Variants in LINGO2 observed in about 807,000 individuals in gnomAD.
LINGO2 encodes leucine rich repeat and Ig domain containing 2, also known as leucine-rich repeat and immunoglobulin-like domain-containing nogo receptor-interacting protein 2.
In LINGO2, 14 loss-of-function variants were observed where a neutral mutation model predicts 30.6. That is an observed-to-expected ratio of 0.46 (90% CI 0.30 to 0.72). LINGO2 has a LOEUF of 0.72. Among genes scored for constraint, LINGO2 ranks in the 30% least tolerant of loss-of-function variants. LINGO2 has a pLI of 0.07. For missense variants in LINGO2, 729 were observed against 751.7 expected (o/e 0.97, Z 0.35); for synonymous variants, 317 against 288.5 (o/e 1.10, Z -1.00).
At chr9:27,979,182 A>T (rs1820740118) in intron 5 of LINGO2, among the ~76,000 whole-genome samples, 1 of 152,008 alleles carries the variant, frequency 6.6e-6, no homozygotes, top group African/African-American at 2.4e-5. Context: ...TTGAGATGAC[A>T]TCTAAGGCTG....
At chr9:29,069,548 T>C in the LINGO2 span, among the ~76,000 whole-genome samples, 1 of 152,050 alleles carries the variant, frequency 6.6e-6, no homozygotes, top group Non-Finnish European at 1.5e-5. Flanking sequence ...CAGAGTTCCA[T>C]ATATTATGAA....
intron 4 of LINGO2, among the ~76,000 whole-genome samples, chr9:28,217,771 A>C (rs929551090): frequency 6.6e-6 from 1 of 152,030 alleles, no homozygotes. Context: ...AGTTATTGAG[A>C]AAGTATATGA....
At chr9:28,446,885 G>C (rs1824443323) in intron 2 of LINGO2, among the ~76,000 whole-genome samples, 1 of 152,146 alleles carries the variant, frequency 6.6e-6, no homozygotes. Flanking sequence ...TAAATGACAG[G>C]AAGCCTCTAT....
At chr9:28,659,994 C>T (rs1469903208) in intron 1 of LINGO2, among the ~76,000 whole-genome samples, 1 of 151,896 alleles carries the variant, frequency 6.6e-6, no homozygotes, top group Non-Finnish European at 1.5e-5. Context: ...AGAAAAATGT[C>T]AGATAGAAAA....
At chr9:28,415,855 A>C (rs1822947939) in intron 2 of LINGO2, among the ~76,000 whole-genome samples, 1 of 152,186 alleles carries the variant, frequency 6.6e-6, no homozygotes, top group African/African-American at 2.4e-5. Context: ...AAGTTACATA[A>C]ATGCATGGAT....
chr9:27,968,385 T>C (rs566587370), intron 5 of LINGO2, among the ~76,000 whole-genome samples: 1 of 152,152 alleles, frequency 6.6e-6, no homozygotes, highest in African/African-American at 2.4e-5. Context: ...ATTAAAATGA[T>C]GGCTATAAGA....
chr9:28,902,732 T>C, the LINGO2 span, among the ~76,000 whole-genome samples: 3 of 152,074 alleles, frequency 2.0e-5, no homozygotes, highest in African/African-American at 4.8e-5. Flanking sequence ...ACAGAAAGAA[T>C]CTTGGAAAAC....
chr9:29,046,722 C>A, the LINGO2 span, among the ~76,000 whole-genome samples: 7 of 152,030 alleles, frequency 4.6e-5, no homozygotes, highest in African/African-American at 1.7e-4. Flanking sequence ...ACAATCACAA[C>A]AAAAGCAAAA....
chr9:28,156,575 G>A (rs984667865), intron 4 of LINGO2, among the ~76,000 whole-genome samples: 2 of 152,172 alleles, frequency 1.3e-5, no homozygotes, highest in African/African-American at 4.8e-5. Flanking sequence ...ATTGATGTAT[G>A]CTTTTCTGTG....
the LINGO2 span, among the ~76,000 whole-genome samples, chr9:28,974,766 T>G: frequency 1.3e-5 from 2 of 152,044 alleles, no homozygotes; most frequent in East Asian, 3.9e-4. Context: ...GGTACTGTAT[T>G]TGTATTATCT....
intron 2 of LINGO2, among the ~76,000 whole-genome samples, chr9:28,376,320 G>C (rs1433538523): frequency 1.3e-5 from 2 of 152,144 alleles, no homozygotes; most frequent in African/African-American, 2.4e-5. Context: ...TTGTGAGCTT[G>C]AATAGCAGGG....
chr9:28,178,227 A>G (rs914803420), intron 4 of LINGO2, among the ~76,000 whole-genome samples: 1 of 152,146 alleles, frequency 6.6e-6, no homozygotes, highest in Non-Finnish European at 1.5e-5. Context: ...CGCAGCTCCC[A>G]CAGTGTTGTG....
At chr9:29,081,351 T>A in the LINGO2 span, among the ~76,000 whole-genome samples, 1 of 152,120 alleles carries the variant, frequency 6.6e-6, no homozygotes, top group Admixed American at 6.6e-5. Context: ...TCTCCATAGA[T>A]GCAGAAAAGG....
the LINGO2 span, among the ~76,000 whole-genome samples, chr9:28,981,000 C>T: frequency 2.6e-5 from 4 of 151,942 alleles, no homozygotes; most frequent in Admixed American, 2.6e-4. Flanking sequence ...GGGGTGAAAC[C>T]GTACCTTACT....
chr9:28,707,905 C>A, the LINGO2 span, among the ~76,000 whole-genome samples: 1 of 152,154 alleles, frequency 6.6e-6, no homozygotes, highest in East Asian at 1.9e-4. Flanking sequence ...AAAACAGGAT[C>A]CTGTCAGAAT....
chr9:28,602,202 A>C (rs1825514315), intron 1 of LINGO2, among the ~76,000 whole-genome samples: 1 of 152,122 alleles, frequency 6.6e-6, no homozygotes, highest in East Asian at 1.9e-4. Context: ...AAGGCAAGGA[A>C]TATGGGCTGT....
At chr9:28,863,972 T>C in the LINGO2 span, among the ~76,000 whole-genome samples, 6 of 152,184 alleles carry the variant, frequency 3.9e-5, no homozygotes, top group African/African-American at 1.2e-4. Context: ...CATGACATTA[T>C]GCAGGATGAA....
chr9:28,951,721 A>C, the LINGO2 span, among the ~76,000 whole-genome samples: 1 of 152,054 alleles, frequency 6.6e-6, no homozygotes, highest in Admixed American at 6.6e-5. Flanking sequence ...CCAGTGCCCC[A>C]GCTTTTCATT....
At chr9:29,153,531 C>T in the LINGO2 span, among the ~76,000 whole-genome samples, 1 of 152,128 alleles carries the variant, frequency 6.6e-6, no homozygotes, top group African/African-American at 2.4e-5. Context: ...TTTGGAAATA[C>T]ATGCCCTTGC....
Sources: allele counts gnomAD v4.1 joint callset (sites outside exome capture counted in the v4.1 genomes callset), GRCh38; gene constraint gnomAD v4.1.1; transcripts MANE v1.5; gene names NCBI Gene and HGNC (gene_info 2026-07-23, HGNC 2026-07-21).